PPFIA3: variants seen among roughly 807,000 people sequenced by gnomAD.
PPFIA3 encodes liprin-alpha-3.
In PPFIA3, 26 loss-of-function variants were observed where a neutral mutation model predicts 145.8. The ratio of observed to expected loss-of-function variants is 0.18; its 90% CI spans 0.13 to 0.25. The LOEUF (loss-of-function observed/expected upper bound fraction) is 0.25. Ranked by LOEUF, PPFIA3 falls within the 10% of genes least tolerant of loss-of-function variation. The pLI is 1.00. For synonymous variants in PPFIA3, 645 were observed against 661.4 expected, an observed-to-expected ratio of 0.98 and a Z score of 0.38; for missense variants, 1,008 against 1,587.8, an observed-to-expected ratio of 0.63 and a Z score of 6.21.
chr19:49,127,535 G>A (rs1820598798), intron 1 of PPFIA3, among the ~76,000 whole-genome samples: 1 of 151,910 alleles, frequency 6.6e-6, no homozygotes, highest in Admixed American at 6.6e-5. Context: ...GGTCGTTCAG[G>A]CTGCAGTGGG....
At position 49,150,309 on chromosome 19, in the gene PPFIA3, G is replaced by A. The variant is rs947516939; in HGVS notation, c.*87G>A. 2.8e-6 allele frequency: 2 copies of A among 725,438 alleles called. No homozygotes were observed. Among genetic ancestry groups the A allele is most frequent in the East Asian group, 2.8e-5 (1 of 35,304 alleles). The allele number at this position is 725,438 out of a possible 1,614,324, so 44.9% of individuals were successfully genotyped here. ...CTCCTGCCCGGACTGTGGCCTCGCC[G>A]GGGAGAGCGGGCGGGGGAGCTCGCG... On this transcript the variant is annotated 3_prime_UTR_variant, in exon 30 of 30. Coordinates refer to ENST00000334186, the MANE Select transcript of PPFIA3 (RefSeq NM_003660.4).
chr19:49,146,844 C>T (rs1359105504), intron 23 of PPFIA3, among the ~76,000 whole-genome samples: 1 of 152,004 alleles, frequency 6.6e-6, no homozygotes, highest in Non-Finnish European at 1.5e-5. Context: ...GCAGGAGAAT[C>T]GCTTGAACCC....
At chr19:49,142,704 C>G in intron 20 of PPFIA3, 100 bp from the exon 21 acceptor site, 1 of 1,052,878 alleles carries the variant, frequency 9.5e-7, no homozygotes. Flanking sequence ...GTTTCGCTCC[C>G]CACCCCCTTG....
In PPFIA3 at chr19:49,135,942, G is replaced by A; in HGVS notation, c.1665+19G>A. The A allele has an allele frequency of 6.3e-7, 1 of 1,594,514 alleles. No homozygotes were observed. The highest frequency in any genetic ancestry group is 8.5e-7 in the Non-Finnish European group (1 of 1,171,236). ...CTCCAAGGTCAGCAGCTGCCTCTGGGTCCTGGACTGAGCAGGGCTTGGGCG... is the reference window on the plus strand; with the variant it reads ...CTCCAAGGTCAGCAGCTGCCTCTGGATCCTGGACTGAGCAGGGCTTGGGCG... On this transcript the variant is annotated intron_variant, in intron 14 of 29. Coordinates refer to ENST00000334186, the MANE Select transcript of PPFIA3 (RefSeq NM_003660.4).
At chr19:49,127,383 T>TAAAAAAA (rs34030131) in intron 1 of PPFIA3, among the ~76,000 whole-genome samples, 1 of 28,572 alleles carries the variant, frequency 3.5e-5, no homozygotes, top group African/African-American at 1.4e-4. Context: ...TCACTCCAGC[T>TAAAAAAA]AAAAAAAAAA....
intron 1 of PPFIA3, chr19:49,125,472 G>A (rs1322444499): frequency 6.6e-6 from 1 of 152,356 alleles, no homozygotes; most frequent in Non-Finnish European, 1.5e-5. Flanking sequence ...CAGGGGGCCT[G>A]GCTTCATCTC....
chr19:49,148,287 T>TC (rs775672906), intron 24 of PPFIA3, 29 bp downstream of exon 24: 3 of 1,597,900 alleles, frequency 1.9e-6, no homozygotes, highest in South Asian at 2.2e-5. Flanking sequence ...GTGGGGACAG[T>TC]CCAAAGGGAA....
At chr19:49,123,817 G>C (rs558710401) in intron 1 of PPFIA3, among the ~76,000 whole-genome samples, 2 of 152,238 alleles carry the variant, frequency 1.3e-5, no homozygotes, top group East Asian at 3.9e-4. Flanking sequence ...CTAGGTTCTA[G>C]GCCCATTCAT....
At chr19:49,134,210 A>G (rs529346973) in intron 11 of PPFIA3, 45 bp downstream of exon 11, 6 of 1,553,072 alleles carry the variant, frequency 3.9e-6, no homozygotes, top group Admixed American at 4.1e-5. Flanking sequence ...TTCCGGGACT[A>G]CCTCTTGCTG....
intron 20 of PPFIA3, 88 bp from the exon 21 acceptor site, chr19:49,142,716 C>T: frequency 5.1e-6 from 6 of 1,170,590 alleles, no homozygotes; most frequent in Non-Finnish European, 4.9e-6. Flanking sequence ...ACCCCCTTGC[C>T]TTTCCCCACC....
In PPFIA3 at chr19:49,149,721, G is replaced by A; in HGVS notation, c.3526+3G>A. On this transcript the variant is annotated splice_donor_region_variant and intron_variant, in intron 28 of 29. Coordinates refer to ENST00000334186, the MANE Select transcript of PPFIA3 (RefSeq NM_003660.4). This position sits in a 1 kb window ranked among gnomAD's most constrained non-coding sequence, Gnocchi z 5.7. ...TCTCCGCAAGCTGCAGCCAGAAGGT[G>A]GGGGGCTCCCAAATGCGACAGCCCT... 1.9e-6 allele frequency: 3 copies of A among 1,599,998 alleles called. No individual in the cohort carries two copies. Among genetic ancestry groups the A allele is most frequent in the Non-Finnish European group, 2.6e-6 (3 of 1,173,714 alleles).
In PPFIA3 at chr19:49,127,936, G is replaced by A. The variant is rs758469400; in HGVS notation, c.63G>A (p.Pro21=). ...GCCGGCGGGGCTCGGCGCTGGGCCC[G>A]GACGAGGCGGGCGGGGAGCTGGAGC... ...EDGRRGSALG[P]DEAGGELERL... Residue 21 remains proline, a synonymous_variant, in exon 2 of 30, where the codon CCG becomes CCA. Coordinates refer to ENST00000334186, the MANE Select transcript of PPFIA3 (RefSeq NM_003660.4). 3 of 1,593,970 alleles carry A rather than the reference G, an allele frequency of 1.9e-6. No individual in the cohort carries two copies. The highest frequency in any genetic ancestry group is 2.5e-6 in the Non-Finnish European group (3 of 1,177,774).
rs1428873676 is a variant in PPFIA3, at chr19:49,149,751, C to T, written c.3526+33C>T. The T allele has an allele frequency of 6.3e-7, 1 of 1,575,704 alleles. No homozygotes were observed. The highest frequency in any genetic ancestry group is 8.6e-7 in the Non-Finnish European group (1 of 1,163,342). On this transcript the variant is annotated intron_variant, in intron 28 of 29. Coordinates refer to ENST00000334186, the MANE Select transcript of PPFIA3 (RefSeq NM_003660.4). The surrounding 1 kb of genome is among the most constrained non-coding windows in gnomAD (Gnocchi z 5.7). The stretch of plus-strand genomic sequence containing the variant: ...GCTCCCAAATGCGACAGCCCTTCCT[C>T]GCTTCCCTAGGGTGGGGCATGGACC...
At chr19:49,136,059 T>G (rs550645652) in intron 14 of PPFIA3, 136 bp downstream of exon 14, 1 of 1,053,744 alleles carries the variant, frequency 9.5e-7, no homozygotes, top group Non-Finnish European at 1.3e-6. Context: ...ACTCACCCTT[T>G]CTTCTCTCCT....
At position 49,128,985 on chromosome 19, in the gene PPFIA3, C is replaced by T. The variant is rs767117196; in HGVS notation, c.480C>T (p.Phe160=). 2.5e-6 allele frequency: 4 copies of T among 1,609,596 alleles called. No homozygotes were observed. The Admixed American group carries it at 5.1e-5, about 21-fold the overall frequency. ...VEVLKALKSL[F]EHHKALDEKV... ...TGCTCAAAGCTCTAAAGTCTCTCTT[C>T]GAGCACCACAAGGCCCTGGATGAGA... Residue 160 remains phenylalanine (F), a synonymous_variant, in exon 4 of 30, where the codon TTC becomes TTT. Coordinates refer to ENST00000334186, the MANE Select transcript of PPFIA3 (RefSeq NM_003660.4). The surrounding 1 kb of genome is among the most constrained non-coding windows in gnomAD (Gnocchi z 4.1).
intron 7 of PPFIA3, among the ~76,000 whole-genome samples, chr19:49,132,410 A>G (rs573706324): frequency 0.031 from 4,629 of 148,730 alleles, 126 homozygotes; most frequent in Middle Eastern, 0.083. Flanking sequence ...AAAAAAAAAA[A>G]AAAAAAAAAA....
chr19:49,149,784 T>G lies in PPFIA3; in HGVS notation c.3526+66T>G. The G allele has an allele frequency of 1.3e-6, 2 of 1,520,908 alleles. No homozygotes were observed. Among genetic ancestry groups the G allele is most frequent in the Non-Finnish European group, 1.8e-6 (2 of 1,133,784 alleles). The allele number at this position is 1,520,908 out of a possible 1,614,324, so 94.2% of individuals were successfully genotyped here. A position where few individuals can be genotyped will look rare whatever the true frequency, so the allele number is the denominator to read the frequency against. ...TAGGGTGGGGCATGGACCACCTCAG[T>G]AGTCCGGGTTCTGGAATGGCCTAGT... On this transcript the variant is annotated intron_variant, in intron 28 of 29. Transcript: ENST00000334186. This position sits in a 1 kb window ranked among gnomAD's most constrained non-coding sequence, Gnocchi z 5.7.
chr19:49,141,347 T>C, intron 18 of PPFIA3, 73 bp from the exon 19 acceptor site: 1 of 1,202,986 alleles, frequency 8.3e-7, no homozygotes, highest in Non-Finnish European at 1.2e-6. Context: ...GGCATTTTCC[T>C]CATCACCTCC....
chr19:49,134,202 C>G (rs1342221014), intron 11 of PPFIA3, 37 bp downstream of exon 11: 1 of 1,561,044 alleles, frequency 6.4e-7, no homozygotes, highest in African/African-American at 1.4e-5. Flanking sequence ...ACGCGGAATT[C>G]CGGGACTACC....
Sources: allele counts gnomAD v4.1 joint callset (sites outside exome capture counted in the v4.1 genomes callset), GRCh38; gene constraint gnomAD v4.1.1; non-coding constraint Gnocchi (gnomAD v3.1); transcripts MANE v1.5; gene names NCBI Gene and HGNC (gene_info 2026-07-23, HGNC 2026-07-21).